The following TUSC3 variants were observed in gnomAD, a reference collection of about 807,000 sequenced individuals.
The protein encoded by TUSC3 is tumor suppressor candidate 3, also known as dolichyl-diphosphooligosaccharide--protein glycosyltransferase subunit TUSC3.
In TUSC3, 45 loss-of-function variants were observed where a neutral mutation model predicts 44.8. The observed-to-expected ratio is 1.00, with a 90% confidence interval of 0.79 to 1.29. The LOEUF (loss-of-function observed/expected upper bound fraction) is 1.29. TUSC3 is among the 50% of genes most tolerant of loss of function. The pLI is 0.00. For missense variants in TUSC3, 519 were observed against 437.9 expected, an observed-to-expected ratio of 1.19 and a Z score of -1.65; for synonymous variants, 212 against 152.9, an observed-to-expected ratio of 1.39 and a Z score of -2.85.
intron 1 of TUSC3, among the ~76,000 whole-genome samples, chr8:15,442,682 T>C (rs1248032439): frequency 1.3e-5 from 2 of 152,150 alleles, no homozygotes; most frequent in African/African-American, 4.8e-5. Flanking sequence ...ATTCATTCCT[T>C]CTAGATTCTG....
intron 5 of TUSC3, among the ~76,000 whole-genome samples, chr8:15,669,421 T>G (rs2129182178): frequency 6.6e-6 from 1 of 151,920 alleles, no homozygotes; most frequent in South Asian, 2.1e-4. Flanking sequence ...TTCTAAAATC[T>G]GACGGGGACA....
intron 1 of TUSC3, among the ~76,000 whole-genome samples, chr8:15,430,925 T>C (rs545739314): frequency 1.3e-5 from 2 of 151,866 alleles, no homozygotes; most frequent in East Asian, 3.9e-4. Flanking sequence ...CCTTTCCCCA[T>C]TGTAATTATT....
chr8:15,727,753 G>A (rs1316463519), intron 6 of TUSC3, among the ~76,000 whole-genome samples: 1 of 152,156 alleles, frequency 6.6e-6, no homozygotes, highest in Non-Finnish European at 1.5e-5. Flanking sequence ...AAGATCAAGT[G>A]AACAAGATAC....
At chr8:15,552,859 A>G (rs528943071) in intron 1 of TUSC3, among the ~76,000 whole-genome samples, 51 of 151,694 alleles carry the variant, frequency 3.4e-4, no homozygotes, top group Non-Finnish European at 7.1e-4. Context: ...TGGGGATGCA[A>G]GACTGGAGAA....
At chr8:15,802,700 G>A in the TUSC3 span, among the ~76,000 whole-genome samples, 2 of 150,736 alleles carry the variant, frequency 1.3e-5, no homozygotes, top group Non-Finnish European at 2.9e-5. Flanking sequence ...TGCCCCTACT[G>A]GTCATATAGT....
intron 2 of TUSC3, among the ~76,000 whole-genome samples, chr8:15,516,050 C>G (rs565864512): frequency 1.3e-5 from 2 of 152,094 alleles, no homozygotes; most frequent in African/African-American, 4.8e-5. Flanking sequence ...TTATCCTCAA[C>G]AAGTTTTAGA....
At chr8:15,833,923 T>A in the TUSC3 span, among the ~76,000 whole-genome samples, 2 of 152,164 alleles carry the variant, frequency 1.3e-5, no homozygotes, top group Non-Finnish European at 2.9e-5. Flanking sequence ...AGAGAACGTT[T>A]ACTGATCAGT....
intron 9 of TUSC3, among the ~76,000 whole-genome samples, chr8:15,753,634 C>T (rs1384090566): frequency 6.6e-6 from 1 of 151,882 alleles, no homozygotes; most frequent in Non-Finnish European, 1.5e-5. Flanking sequence ...CTTTTTATTC[C>T]ATTGCATTAG....
At chr8:15,714,038 C>G (rs576114560) in intron 6 of TUSC3, among the ~76,000 whole-genome samples, 2 of 152,170 alleles carry the variant, frequency 1.3e-5, no homozygotes, top group Non-Finnish European at 2.9e-5. Flanking sequence ...GATATTACCT[C>G]TTCATTGAAG....
rs907936430 is a variant in TUSC3 at position 15,555,230 on chromosome 8, C to G, written c.138+14662C>G. Reference sequence around the variant, plus strand: ...GTGGTGTGATCTTGGCTTACTGCAACCTCTGCCTCCTTGGCCCTTGGTTCA... The same window carrying G: ...GTGGTGTGATCTTGGCTTACTGCAAGCTCTGCCTCCTTGGCCCTTGGTTCA... On this transcript the variant is annotated intron_variant, in intron 1 of 10. Transcript: ENST00000503731. 2.3e-5 allele frequency among the ~76,000 whole-genome samples: 3 copies of G among 131,786 alleles called. 1 individual carries two copies. The Admixed American group carries it at 2.4e-4, about 11-fold the overall frequency. 86.5% of individuals were successfully genotyped at this position (131,786 alleles called of 152,430 possible).
chr8:15,832,049 G>A, the TUSC3 span, among the ~76,000 whole-genome samples: 1 of 152,128 alleles, frequency 6.6e-6, no homozygotes, highest in African/African-American at 2.4e-5. Context: ...AGAGAGAAAG[G>A]TCAAGTCACC....
At chr8:15,473,306 C>T (rs1012156127) in intron 1 of TUSC3, among the ~76,000 whole-genome samples, 2 of 152,120 alleles carry the variant, frequency 1.3e-5, no homozygotes, top group Non-Finnish European at 2.9e-5. Context: ...GTGTTTACAA[C>T]ACTGCAACAA....
chr8:15,617,141 T>G (rs1445514349), intron 1 of TUSC3, among the ~76,000 whole-genome samples: 2 of 84,412 alleles, frequency 2.4e-5, no homozygotes, highest in African/African-American at 3.4e-5. Context: ...TGTATATATT[T>G]TTTTTTTTTT....
chr8:15,719,510 CACACACCACACA>C (rs1203718941), intron 6 of TUSC3, among the ~76,000 whole-genome samples: 7 of 38,264 alleles, frequency 1.8e-4, no homozygotes, highest in African/African-American at 9.2e-4. Context: ...CACACACACA[CACACACCACACA>C]CACACACACA....
chr8:15,429,500 T>C (rs1259996025), intron 1 of TUSC3, among the ~76,000 whole-genome samples: 1 of 151,508 alleles, frequency 6.6e-6, no homozygotes, highest in African/African-American at 2.4e-5. Flanking sequence ...TTTCCAATTC[T>C]GTGAAGAAAG....
chr8:15,573,168 TTCTCTCTCTCTCTCTC>T (rs1554516638), intron 1 of TUSC3, among the ~76,000 whole-genome samples: 2 of 85,588 alleles, frequency 2.3e-5, no homozygotes, highest in Non-Finnish European at 4.2e-5. Flanking sequence ...TTCTCTCTCT[TTCTCTCTCTCTCTCTC>T]TCTCTCTCTC....
intron 2 of TUSC3, among the ~76,000 whole-genome samples, chr8:15,483,859 G>GTGT (rs1563263141): frequency 1.4e-5 from 2 of 147,656 alleles, no homozygotes; most frequent in Non-Finnish European, 3.0e-5. Context: ...GGGTTTCACT[G>GTGT]TGTTAGCCAG....
Position 15,545,953 on chromosome 8 carries a change from G to A in TUSC3, c.138+5385G>A, listed in dbSNP as rs555963452. Among the ~76,000 whole-genome samples the A allele has an allele frequency of 2.6e-5, 4 of 151,744 alleles. No individual in the cohort carries two copies. The South Asian group carries it at 8.4e-4, about 32-fold the overall frequency. On this transcript the variant is annotated intron_variant, in intron 1 of 10. Coordinates refer to ENST00000503731, the MANE Select transcript of TUSC3 (RefSeq NM_006765.4). The stretch of plus-strand genomic sequence containing the variant: ...TATTTGGCATATCAGACTATAAATT[G>A]CTCATCTCCATAAGAATTCCTCCTG...
At chr8:15,494,642 G>A (rs1585065237) in intron 2 of TUSC3, among the ~76,000 whole-genome samples, 1 of 152,224 alleles carries the variant, frequency 6.6e-6, no homozygotes, top group African/African-American at 2.4e-5. Flanking sequence ...AAGATTTCCA[G>A]CACACTAACC....
Sources: gnomAD v4.1 joint callset for allele counts (sites outside exome capture counted in the v4.1 genomes callset) on GRCh38, gnomAD v4.1.1 for gene constraint, MANE v1.5 for transcripts, NCBI Gene and HGNC (gene_info 2026-07-23, HGNC 2026-07-21) for gene names.